Variants in DARS2 observed in about 807,000 individuals in gnomAD.
DARS2 encodes the protein aspartate--tRNA ligase, mitochondrial.
A neutral mutation model predicts 83.0 loss-of-function variants in DARS2; 63 were observed. That is an observed-to-expected ratio of 0.76 (90% CI 0.62 to 0.94). DARS2 has a LOEUF of 0.94. DARS2 is among the 40% of genes least tolerant of loss of function. The probability of loss-of-function intolerance (pLI) is 0.00; values close to 1 mark genes in which losing one functional copy is unlikely to be tolerated. For missense variants in DARS2, 675 were observed against 774.4 expected, an observed-to-expected ratio of 0.87 and a Z score of 1.52; for synonymous variants, 250 against 269.3, an observed-to-expected ratio of 0.93 and a Z score of 0.70.
At chr1:173,848,935 A>G (rs1051029581) in intron 12 of DARS2, among the ~76,000 whole-genome samples, 2 of 151,892 alleles carry the variant, frequency 1.3e-5, no homozygotes, top group African/African-American at 4.8e-5. Context: ...TTTCTTTTGC[A>G]TGTCATTTTT....
At chr1:173,834,567 T>C in intron 7 of DARS2, 48 bp downstream of exon 7, 5 of 1,449,638 alleles carry the variant, frequency 3.4e-6, no homozygotes, top group Non-Finnish European at 4.8e-6. Flanking sequence ...CTATTAGTTA[T>C]AAAGCTAGAC....
chr1:173,855,774 T>C (rs1043386408), intron 15 of DARS2, among the ~76,000 whole-genome samples: 5 of 151,388 alleles, frequency 3.3e-5, no homozygotes, highest in Admixed American at 6.6e-5. Flanking sequence ...TGCCTTAGCC[T>C]CCCGAGTGGC....
intron 11 of DARS2, among the ~76,000 whole-genome samples, chr1:173,841,958 T>G (rs1653230604): frequency 6.6e-6 from 1 of 152,136 alleles, no homozygotes; most frequent in African/African-American, 2.4e-5. Flanking sequence ...TGCATGTTGA[T>G]TCTTTATCTT....
Position 173,831,527 on chromosome 1 carries a change from T to G in DARS2, c.397-8T>G. 5 of 1,607,634 alleles carry G rather than the reference T, an allele frequency of 3.1e-6. No individual in the cohort carries two copies. The highest frequency in any genetic ancestry group is 2.2e-5 in the East Asian group (1 of 44,812). ...AATTTTTAAAACCCTTCCTTCTCAC[T>G]CTCCAAGAAAATGCCAACAGGTGAG... On this transcript the variant is annotated splice_region_variant and splice_polypyrimidine_tract_variant and intron_variant, in intron 4 of 16. Transcript: ENST00000649689.
chr1:173,844,669 C>CAAAAAAAAAAA lies in DARS2; in HGVS notation c.1129-531_1129-521dup, dbSNP rs549839808. The stretch of plus-strand genomic sequence containing the variant: ...TGGGTGACAGAGCTAGACTCCATCG[C>CAAAAAAAAAAA]AAAAAAAAAAAAAAAAAAAAAAAAA... On this transcript the variant is annotated intron_variant, in intron 11 of 16. Transcript: ENST00000649689. Among the ~76,000 whole-genome samples the CAAAAAAAAAAA allele has an allele frequency of 4.0e-4, 12 of 29,928 alleles. 1 individual carries two copies. Among genetic ancestry groups the CAAAAAAAAAAA allele is most frequent in the East Asian group, 1.9e-3 (1 of 522 alleles). 19.6% of individuals were successfully genotyped at this position (29,928 alleles called of 152,430 possible). A position where few individuals can be genotyped will look rare whatever the true frequency, so the allele number is the denominator to read the frequency against.
In DARS2 at chr1:173,839,549, A is replaced by T. The variant is rs760280025; in HGVS notation, c.1020+3A>T. The T allele has an allele frequency of 6.2e-6, 10 of 1,613,750 alleles. No individual in the cohort carries two copies. The South Asian group carries it at 8.8e-5, about 14-fold the overall frequency. The stretch of plus-strand genomic sequence containing the variant: ...CTGACACTCGCTTTGGAATGAAGGT[A>T]CTTATCTTCACTTTTCTAGGACTCT... On this transcript the variant is annotated splice_donor_region_variant and intron_variant, in intron 10 of 16. Coordinates refer to ENST00000649689, the MANE Select transcript of DARS2 (RefSeq NM_018122.5).
intron 2 of DARS2, among the ~76,000 whole-genome samples, chr1:173,827,514 C>G (rs929469835): frequency 6.6e-6 from 1 of 152,046 alleles, no homozygotes; most frequent in African/African-American, 2.4e-5. Context: ...GTCTGTAATT[C>G]TAGCTACTCA....
rs775234637 is a variant in DARS2 at position 173,830,774 on chromosome 1, G to A, written c.396+13G>A. On this transcript the variant is annotated intron_variant, in intron 4 of 16. Coordinates refer to ENST00000649689, the MANE Select transcript of DARS2 (RefSeq NM_018122.5). Reference sequence around the variant, plus strand: ...ACAAGAGAATCCAGTAGGTAGTTTCGAAGATATCTGTGTAATTTTTGCTTG... The same window carrying A: ...ACAAGAGAATCCAGTAGGTAGTTTCAAAGATATCTGTGTAATTTTTGCTTG... 1.5e-5 allele frequency: 24 copies of A among 1,605,940 alleles called. No individual in the cohort carries two copies. Among genetic ancestry groups the A allele is most frequent in the African/African-American group, 4.0e-5 (3 of 74,752 alleles).
rs759486816 is a variant in DARS2, at chr1:173,825,261, A to G, written c.32A>G (p.Tyr11Cys). 2.5e-6 allele frequency: 4 copies of G among 1,613,436 alleles called. No homozygotes were observed. The highest frequency in any genetic ancestry group is 2.5e-6 in the Non-Finnish European group (3 of 1,179,638). MYFPSWLSQL[Y>C]RGLSRPIRRT... is the part of the protein sequence containing the mutation. ...TTCCCTTCTTGGTTAAGTCAGCTGT[A>G]CAGGGGTTTATCCAGACCCATCAGA... is the stretch of plus-strand genomic sequence containing the variant. The change falls in exon 1 of 17, where the codon TAC becomes TGC. Residue 11 changes from tyrosine to cysteine, a missense_variant. Physicochemically the swap from Tyr to Cys is radical, Grantham distance 194 (BLOSUM62 -2). Transcript: ENST00000649689.
chr1:173,842,755 T>G (rs896041289), intron 11 of DARS2, among the ~76,000 whole-genome samples: 4 of 151,356 alleles, frequency 2.6e-5, no homozygotes, highest in African/African-American at 9.7e-5. Context: ...CTGGCCAACA[T>G]GGCGAAACCC....
chr1:173,857,260 T>G (rs930988212), intron 16 of DARS2, among the ~76,000 whole-genome samples: 1 of 152,190 alleles, frequency 6.6e-6, no homozygotes, highest in Non-Finnish European at 1.5e-5. Context: ...GGGCCTTTAG[T>G]AAGCCTTTAC....
At chr1:173,833,616 TTCAC>T in intron 6 of DARS2, 117 bp downstream of exon 6, 1 of 1,221,892 alleles carries the variant, frequency 8.2e-7, no homozygotes. Context: ...AAGTCTGGAA[TTCAC>T]TCAATGTGTA....
intron 11 of DARS2, among the ~76,000 whole-genome samples, chr1:173,842,992 GAAAT>G (rs1247735301): frequency 1.4e-5 from 2 of 147,744 alleles, no homozygotes; most frequent in Non-Finnish European, 3.0e-5. Context: ...CCAGACATAA[GAAAT>G]ATGTTCAGGT....
intron 3 of DARS2, 60 bp downstream of exon 3, chr1:173,828,459 C>A: frequency 6.9e-7 from 1 of 1,451,594 alleles, no homozygotes; most frequent in Non-Finnish European, 9.7e-7. Flanking sequence ...CTGGGGTAAG[C>A]TAAGTAGTTA....
chr1:173,839,658 C>T lies in DARS2; in HGVS notation c.1020+112C>T. 3.0e-6 allele frequency: 3 copies of T among 990,658 alleles called. No individual in the cohort carries two copies. In the East Asian group the frequency reaches 7.2e-5, roughly 24 times the overall value. The allele number at this position is 990,658 out of a possible 1,614,324, so 61.4% of individuals were successfully genotyped here. On this transcript the variant is annotated intron_variant, in intron 10 of 16. Transcript: ENST00000649689. ...CTGTTAGATGATATTTTTGTTGTTACCTTGTTACCTTCGTTGTTACAGAGC... is the reference window on the plus strand; with the variant it reads ...CTGTTAGATGATATTTTTGTTGTTATCTTGTTACCTTCGTTGTTACAGAGC...
intron 1 of DARS2, 79 bp downstream of exon 1, chr1:173,825,435 T>A (rs1370439957): frequency 1.7e-6 from 2 of 1,207,070 alleles, no homozygotes; most frequent in Non-Finnish European, 2.3e-6. Flanking sequence ...TATTCCATTT[T>A]TCATTTTTTC....
intron 9 of DARS2, among the ~76,000 whole-genome samples, 182 bp from the exon 10 acceptor site, chr1:173,839,184 AC>A (rs1436875277): frequency 6.6e-6 from 1 of 152,218 alleles, no homozygotes; most frequent in Non-Finnish European, 1.5e-5. Context: ...GGTTGTGGGA[AC>A]TAAGCAAGTT....
chr1:173,834,732 G>GTTTTTTT, intron 7 of DARS2, among the ~76,000 whole-genome samples: 17 of 21,694 alleles, frequency 7.8e-4, no homozygotes, highest in Admixed American at 1.3e-3. Context: ...GAGTTTTTTT[G>GTTTTTTT]TTTTTTTTTT....
chr1:173,831,427 G>A, intron 4 of DARS2, 108 bp from the exon 5 acceptor site: 4 of 869,072 alleles, frequency 4.6e-6, no homozygotes, highest in Admixed American at 1.7e-5. Flanking sequence ...ACACTATAAG[G>A]ACTTTGCACA....
Sources: allele counts gnomAD v4.1 joint callset (sites outside exome capture counted in the v4.1 genomes callset), GRCh38; gene constraint gnomAD v4.1.1; transcripts MANE v1.5; gene names NCBI Gene and HGNC (gene_info 2026-07-23, HGNC 2026-07-21).